EPB41L5: variants seen among roughly 807,000 people sequenced by gnomAD.
EPB41L5 encodes the protein erythrocyte membrane protein band 4.1 like 5.
Under a neutral mutation model 106.6 loss-of-function variants are expected in EPB41L5, and 55 were observed. The observed-to-expected ratio is 0.52, with a 90% CI of 0.42 to 0.65. EPB41L5 has a LOEUF of 0.65. Ranked by LOEUF, EPB41L5 falls within the 30% of genes least tolerant of loss-of-function variation. The pLI, the probability that EPB41L5 is intolerant of heterozygous loss-of-function variation, is 0.00. For missense variants in EPB41L5, 871 were observed against 882.1 expected, an observed-to-expected ratio of 0.99 and a Z score of 0.16; for synonymous variants, 297 against 306.7, an observed-to-expected ratio of 0.97 and a Z score of 0.33.
chr2:120,091,792 G>A, intron 13 of EPB41L5, 131 bp downstream of exon 13: 1 of 665,644 alleles, frequency 1.5e-6, no homozygotes, highest in Non-Finnish European at 2.6e-6. Context: ...GTACTTTTCT[G>A]GCAGAATCAA....
chr2:120,155,972 C>T (rs1686884509), intron 20 of EPB41L5, among the ~76,000 whole-genome samples: 1 of 152,126 alleles, frequency 6.6e-6, no homozygotes, highest in African/African-American at 2.4e-5. Context: ...GCCCCACGAC[C>T]ACCACGGACA....
intron 16 of EPB41L5, among the ~76,000 whole-genome samples, chr2:120,118,011 T>TA (rs1275718663): frequency 2.6e-5 from 4 of 152,246 alleles, no homozygotes; most frequent in Non-Finnish European, 5.9e-5. Context: ...GCGAAAGTTT[T>TA]AAAAGTTTTT....
At chr2:120,019,755 TTAA>T (rs1677799938) in intron 2 of EPB41L5, among the ~76,000 whole-genome samples, 1 of 152,238 alleles carries the variant, frequency 6.6e-6, no homozygotes, top group African/African-American at 2.4e-5. Flanking sequence ...CTTGCAGACA[TTAA>T]TGAGGTGAAG....
chr2:120,049,730 C>T (rs575397038), intron 3 of EPB41L5, among the ~76,000 whole-genome samples: 55 of 152,146 alleles, frequency 3.6e-4, no homozygotes, highest in African/African-American at 1.2e-3. Flanking sequence ...TTATTTTGCT[C>T]GTTAGTTGAT....
At chr2:120,077,168 C>T in intron 8 of EPB41L5, 61 bp from the exon 9 acceptor site, 1 of 1,583,178 alleles carries the variant, frequency 6.3e-7, no homozygotes, top group South Asian at 1.2e-5. Flanking sequence ...TGTTTCTATC[C>T]TTGGTATAGA....
chr2:120,082,871 A>G (rs1023836153), intron 10 of EPB41L5, among the ~76,000 whole-genome samples: 6 of 152,132 alleles, frequency 3.9e-5, no homozygotes, highest in Non-Finnish European at 8.8e-5. Flanking sequence ...CGTCTATTCT[A>G]GATTTTTTGT....
chr2:120,116,857 A>G (rs1314310838), intron 16 of EPB41L5, among the ~76,000 whole-genome samples: 1 of 152,112 alleles, frequency 6.6e-6, no homozygotes, highest in East Asian at 1.9e-4. Flanking sequence ...GCTACTACTG[A>G]AAAAAAGAAT....
chr2:120,036,032 CT>C (rs1205410443), intron 2 of EPB41L5, among the ~76,000 whole-genome samples: 1 of 152,278 alleles, frequency 6.6e-6, no homozygotes, highest in African/African-American at 2.4e-5. Context: ...GTCTTACCCC[CT>C]GTTCCAAATT....
chr2:120,090,549 A>G (rs1210923685), intron 12 of EPB41L5, 33 bp downstream of exon 12: 35 of 1,588,180 alleles, frequency 2.2e-5, no homozygotes, highest in Non-Finnish European at 2.8e-5. Context: ...TCTGTCTTTC[A>G]TTGCATACAG....
chr2:120,105,826 A>G (rs1558879917), intron 16 of EPB41L5: 1 of 985,276 alleles, frequency 1.0e-6, no homozygotes, highest in Non-Finnish European at 1.2e-6. Flanking sequence ...TTTTTTCTTA[A>G]AAGAGAGGAA....
At chr2:120,104,001 C>T (rs1684298286) in intron 16 of EPB41L5, 1 of 1,451,272 alleles carries the variant, frequency 6.9e-7, no homozygotes, top group Non-Finnish European at 9.0e-7. Flanking sequence ...TCTTACACAT[C>T]CATTTTCTCC....
chr2:120,105,409 C>G, intron 16 of EPB41L5: 3 of 984,106 alleles, frequency 3.0e-6, no homozygotes, highest in Non-Finnish European at 3.6e-6. Flanking sequence ...TTTAATGCAT[C>G]CTGCTCACAT....
chr2:120,090,574 G>A, intron 12 of EPB41L5, 58 bp downstream of exon 12: 3 of 1,476,280 alleles, frequency 2.0e-6, no homozygotes, highest in Non-Finnish European at 2.8e-6. Context: ...AAAAATTTAG[G>A]CCAATCTTCT....
chr2:120,079,898 G>T (rs1032027910), intron 10 of EPB41L5, among the ~76,000 whole-genome samples: 1 of 152,014 alleles, frequency 6.6e-6, no homozygotes, highest in South Asian at 2.1e-4. Context: ...AGGGTCCTGC[G>T]TGGTCCTCCC....
chr2:120,036,939 C>T (rs1679076345), intron 2 of EPB41L5, among the ~76,000 whole-genome samples: 1 of 152,040 alleles, frequency 6.6e-6, no homozygotes, highest in Non-Finnish European at 1.5e-5. Context: ...ATAAAGGTAT[C>T]TGCTGTTGCC....
intron 16 of EPB41L5, chr2:120,104,835 A>G: frequency 3.1e-6 from 3 of 955,906 alleles, no homozygotes; most frequent in Non-Finnish European, 2.5e-6. Context: ...AGATTTAGAG[A>G]TCACATTAAT....
chr2:120,049,490 CT>C (rs555913522), intron 3 of EPB41L5, among the ~76,000 whole-genome samples: 11 of 151,280 alleles, frequency 7.3e-5, no homozygotes, highest in East Asian at 1.9e-4. Flanking sequence ...GCAACCCCTG[CT>C]TTTTTTTTGT....
chr2:120,051,588 G>T (rs773613304), intron 3 of EPB41L5, among the ~76,000 whole-genome samples: 1 of 152,158 alleles, frequency 6.6e-6, no homozygotes, highest in Admixed American at 6.5e-5. Flanking sequence ...TCCAGGTGCC[G>T]CCTGTCACAG....
intron 16 of EPB41L5, among the ~76,000 whole-genome samples, chr2:120,110,957 T>G (rs549352404): frequency 2.0e-5 from 3 of 152,240 alleles, no homozygotes; most frequent in South Asian, 2.1e-4. Context: ...TTGTTAACAC[T>G]CCACATACAT....
Sources: allele counts gnomAD v4.1 joint callset (sites outside exome capture counted in the v4.1 genomes callset), GRCh38; gene constraint gnomAD v4.1.1; transcripts MANE v1.5; gene names NCBI Gene and HGNC (gene_info 2026-07-23, HGNC 2026-07-21).